Variants in ALK observed in about 807,000 individuals in gnomAD.
The protein encoded by ALK is ALK receptor tyrosine kinase, also known as ALK tyrosine kinase receptor.
ALK carries 74 observed loss-of-function variants against 163.1 expected under a neutral mutation model. The observed-to-expected ratio is 0.45, with a 90% confidence interval of 0.38 to 0.55. ALK has a LOEUF of 0.55. ALK is among the 20% of genes least tolerant of loss of function. ALK has a pLI of 0.00. For synonymous variants in ALK, 960 were observed against 843.2 expected (o/e 1.14, Z -2.40); for missense variants, 2,063 against 2,105.3 (o/e 0.98, Z 0.39).
intron 1 of ALK, among the ~76,000 whole-genome samples, chr2:29,804,867 T>C (rs1199315116): frequency 6.6e-6 from 1 of 152,188 alleles, no homozygotes; most frequent in Non-Finnish European, 1.5e-5. Context: ...GTATTTACTA[T>C]AAATCCTGCC....
At position 29,552,573 on chromosome 2, in the gene ALK, G is replaced by A. The variant is rs147091795; in HGVS notation, c.953-20457C>T. On this transcript the variant is annotated intron_variant, in intron 3 of 28. Coordinates refer to ENST00000389048, the MANE Select transcript of ALK (RefSeq NM_004304.5). ...AATGGATGCGAAGTGGTATCCCATG[G>A]TTGATTTGATATGCATTTCCCTAAT... Among the ~76,000 whole-genome samples the A allele has an allele frequency of 2.0e-3, 302 of 152,258 alleles. 3 individuals are homozygous for A. Among genetic ancestry groups the A allele is most frequent in the African/African-American group, 6.2e-3 (256 of 41,544 alleles).
At chr2:29,465,521 C>CT (rs1671190542) in intron 4 of ALK, among the ~76,000 whole-genome samples, 1 of 152,042 alleles carries the variant, frequency 6.6e-6, no homozygotes, top group Non-Finnish European at 1.5e-5. Context: ...TGGTGAAACT[C>CT]TGTCTCTACT....
intron 3 of ALK, among the ~76,000 whole-genome samples, chr2:29,692,433 AATTTT>A (rs1678426558): frequency 6.6e-6 from 1 of 152,194 alleles, no homozygotes; most frequent in African/African-American, 2.4e-5. Context: ...CTTGGAAGAC[AATTTT>A]TCCACGGATG....
At chr2:29,525,139 CA>C (rs1243409977) in intron 4 of ALK, among the ~76,000 whole-genome samples, 1 of 152,124 alleles carries the variant, frequency 6.6e-6, no homozygotes, top group East Asian at 1.9e-4. Flanking sequence ...CTGTGGAGAC[CA>C]GTGACATTCA....
At chr2:29,466,835 T>A (rs1353578587) in intron 4 of ALK, among the ~76,000 whole-genome samples, 2 of 152,266 alleles carry the variant, frequency 1.3e-5, no homozygotes, top group African/African-American at 4.8e-5. Flanking sequence ...AAGACAGTTC[T>A]CTGGATCATT....
At chr2:29,393,430 A>G (rs1186127878) in intron 4 of ALK, among the ~76,000 whole-genome samples, 1 of 152,154 alleles carries the variant, frequency 6.6e-6, no homozygotes, top group Non-Finnish European at 1.5e-5. Flanking sequence ...TGCCTTGAAG[A>G]CCTTCATTCC....
chr2:29,248,116 A>G (rs1228957079), intron 12 of ALK, among the ~76,000 whole-genome samples: 4 of 152,090 alleles, frequency 2.6e-5, no homozygotes, highest in African/African-American at 9.7e-5. Flanking sequence ...TCCAAGGCCA[A>G]GGAGGAGGTG....
At chr2:29,492,670 T>G (rs1280823933) in intron 4 of ALK, among the ~76,000 whole-genome samples, 1 of 152,216 alleles carries the variant, frequency 6.6e-6, no homozygotes, top group African/African-American at 2.4e-5. Context: ...TTCCTCCTGC[T>G]GTTCGTAAGG....
intron 1 of ALK, among the ~76,000 whole-genome samples, chr2:29,885,998 C>G (rs1194875492): frequency 6.6e-6 from 1 of 152,200 alleles, no homozygotes; most frequent in Non-Finnish European, 1.5e-5. Flanking sequence ...CTCTTCTGCT[C>G]CTGCCACCTC....
chr2:29,619,949 C>CTCTA lies in ALK; in HGVS notation c.952+74897_952+74900dup, dbSNP rs562438238. On this transcript the variant is annotated intron_variant, in intron 3 of 28. Coordinates refer to ENST00000389048, the MANE Select transcript of ALK (RefSeq NM_004304.5). Reference sequence around the variant, plus strand: ...GGGGCATCGAGCTAGGGCTGCCCAACTCTAGCAGCCCCGAGGGATGCCTAG... The same window carrying CTCTA: ...GGGGCATCGAGCTAGGGCTGCCCAACTCTATCTAGCAGCCCCGAGGGATGCCTAG... Among the ~76,000 whole-genome samples, 38 of 152,316 alleles carry CTCTA rather than the reference C, an allele frequency of 2.5e-4. 1 individual carries two copies. The highest frequency in any genetic ancestry group is 2.3e-3 in the Admixed American group (35 of 15,304).
intron 1 of ALK, among the ~76,000 whole-genome samples, chr2:29,903,672 A>G (rs190286003): frequency 5.1e-4 from 78 of 152,354 alleles, no homozygotes; most frequent in African/African-American, 1.8e-3. Flanking sequence ...TATCCAGAAA[A>G]GCATCAAAAT....
At chr2:29,617,810 T>G (rs959409990) in intron 3 of ALK, among the ~76,000 whole-genome samples, 4 of 152,220 alleles carry the variant, frequency 2.6e-5, no homozygotes, top group Non-Finnish European at 5.9e-5. Context: ...AGTGTCAGAA[T>G]AACTTCTCTA....
intron 1 of ALK, among the ~76,000 whole-genome samples, chr2:29,794,423 G>A (rs1664258252): frequency 6.6e-6 from 1 of 152,138 alleles, no homozygotes; most frequent in African/African-American, 2.4e-5. Context: ...GTTCACTGGG[G>A]TAGCACTTTT....
chr2:29,470,025 T>G (rs1671311909), intron 4 of ALK, among the ~76,000 whole-genome samples: 1 of 152,116 alleles, frequency 6.6e-6, no homozygotes, highest in Non-Finnish European at 1.5e-5. Flanking sequence ...AATAAAGAAT[T>G]TCATTAGAAA....
At chr2:29,828,773 T>C (rs1312914967) in intron 1 of ALK, among the ~76,000 whole-genome samples, 1 of 151,974 alleles carries the variant, frequency 6.6e-6, no homozygotes, top group Non-Finnish European at 1.5e-5. Flanking sequence ...CTCAGGGATC[T>C]AGAACTAGAA....
intron 4 of ALK, among the ~76,000 whole-genome samples, chr2:29,458,440 C>G (rs1376094605): frequency 6.6e-6 from 1 of 152,132 alleles, no homozygotes; most frequent in Non-Finnish European, 1.5e-5. Flanking sequence ...TTCCAATGCT[C>G]TGGGCTAAGG....
chr2:29,353,239 T>C (rs1668162109), intron 5 of ALK, among the ~76,000 whole-genome samples: 1 of 152,224 alleles, frequency 6.6e-6, no homozygotes, highest in Non-Finnish European at 1.5e-5. Context: ...CCATCTGTTC[T>C]TGTGGCCCCA....
intron 1 of ALK, among the ~76,000 whole-genome samples, chr2:29,736,697 A>G (rs1011791439): frequency 1.3e-5 from 2 of 152,118 alleles, no homozygotes; most frequent in African/African-American, 4.8e-5. Flanking sequence ...AAATATTTAT[A>G]GAATGAGTGA....
intron 3 of ALK, among the ~76,000 whole-genome samples, chr2:29,685,433 TC>T (rs1386375136): frequency 6.6e-6 from 1 of 152,220 alleles, no homozygotes; most frequent in Non-Finnish European, 1.5e-5. Flanking sequence ...TGGCCTCAGC[TC>T]CTTGTCCCCT....
Sources: allele counts gnomAD v4.1 joint callset (sites outside exome capture counted in the v4.1 genomes callset), GRCh38; gene constraint gnomAD v4.1.1; transcripts MANE v1.5; gene names NCBI Gene and HGNC (gene_info 2026-07-23, HGNC 2026-07-21).